Variants in BABAM2 observed in about 807,000 individuals in gnomAD.
BABAM2 encodes the protein BRISC and BRCA1 A complex member 2.
BABAM2 carries 31 observed loss-of-function variants against 54.7 expected under a neutral mutation model. The observed-to-expected ratio is 0.57, with a 90% CI of 0.43 to 0.77. The LOEUF (loss-of-function observed/expected upper bound fraction) is 0.77, where lower values mean the gene tolerates loss of function less well. Among genes scored for constraint, BABAM2 ranks in the 30% least tolerant of loss-of-function variants. The pLI is 0.00. For missense variants in BABAM2, 364 were observed against 455.8 expected (o/e 0.80, Z 1.83); for synonymous variants, 167 against 162.9 (o/e 1.03, Z -0.19).
At position 28,164,250 on chromosome 2, in the gene BABAM2, C is replaced by T. The variant is rs184211473; in HGVS notation, c.680+34870C>T. ...GTTCCACATGTGCAATTGGTATTTG[C>T]TCTTCTTCCCTTCAGTGTGTTTTTT... On this transcript the variant is annotated intron_variant, in intron 7 of 11. Transcript: ENST00000379624. 1.5e-3 allele frequency among the ~76,000 whole-genome samples: 232 copies of T among 152,292 alleles called. 1 individual carries two copies. Among genetic ancestry groups the T allele is most frequent in the African/African-American group, 5.4e-3 (223 of 41,558 alleles).
intron 6 of BABAM2, among the ~76,000 whole-genome samples, chr2:28,060,110 A>T (rs1267259357): frequency 6.6e-6 from 1 of 152,214 alleles, no homozygotes; most frequent in Non-Finnish European, 1.5e-5. Flanking sequence ...ATAAAATTTT[A>T]ACAAACTCAA....
chr2:27,917,066 G>A (rs570587315), intron 2 of BABAM2, among the ~76,000 whole-genome samples: 9 of 145,728 alleles, frequency 6.2e-5, no homozygotes, highest in Non-Finnish European at 1.2e-4. Context: ...TTGCCAGGCT[G>A]GAGTGCAGTG....
chr2:28,241,502 C>CTT, intron 9 of BABAM2, 109 bp downstream of exon 9: 331 of 810,272 alleles, frequency 4.1e-4, no homozygotes, highest in Middle Eastern at 4.9e-4. Context: ...CACATGATAC[C>CTT]TTTTTTTTTT....
intron 3 of BABAM2, among the ~76,000 whole-genome samples, chr2:27,984,163 T>C (rs1672229170): frequency 6.6e-6 from 1 of 151,964 alleles, no homozygotes; most frequent in Non-Finnish European, 1.5e-5. Context: ...TTTAGCATGT[T>C]ATTTATTTTT....
chr2:28,234,568 C>T (rs2148050770), intron 7 of BABAM2, among the ~76,000 whole-genome samples: 1 of 152,272 alleles, frequency 6.6e-6, no homozygotes, highest in African/African-American at 2.4e-5. Context: ...CTATTACTGT[C>T]AACTCCAGGG....
chr2:28,140,724 G>A (rs1670970450), intron 7 of BABAM2, among the ~76,000 whole-genome samples: 1 of 151,882 alleles, frequency 6.6e-6, no homozygotes. Context: ...TTGTATATGT[G>A]CTGTAAGTAT....
intron 7 of BABAM2, among the ~76,000 whole-genome samples, chr2:28,150,627 G>A (rs1671933434): frequency 6.6e-6 from 1 of 152,246 alleles, no homozygotes; most frequent in Admixed American, 6.5e-5. Context: ...CCTCTCCTGA[G>A]CAGTTAGAAA....
At chr2:28,026,924 AT>A (rs1558667793) in intron 5 of BABAM2, among the ~76,000 whole-genome samples, 43 of 29,986 alleles carry the variant, frequency 1.4e-3, no homozygotes, top group African/African-American at 3.7e-3. Flanking sequence ...ATTAATATAT[AT>A]AAATATATAT....
chr2:28,332,426 TA>T (rs1691041290), intron 11 of BABAM2, among the ~76,000 whole-genome samples: 2 of 152,300 alleles, frequency 1.3e-5, no homozygotes, highest in Admixed American at 1.3e-4. Context: ...TGGGTGGTCA[TA>T]AGATCATTAA....
chr2:27,956,633 G>C (rs532108771), intron 3 of BABAM2, among the ~76,000 whole-genome samples: 1 of 152,164 alleles, frequency 6.6e-6, no homozygotes, highest in Non-Finnish European at 1.5e-5. Context: ...GGTAATTTTG[G>C]GAATCTTCCA....
chr2:28,020,557 T>C (rs1206372919), intron 4 of BABAM2, among the ~76,000 whole-genome samples: 2 of 152,158 alleles, frequency 1.3e-5, no homozygotes, highest in African/African-American at 4.8e-5. Context: ...TGGGAGGGGA[T>C]GGGGATAGCC....
chr2:28,154,170 T>TATA (rs1396688244), intron 7 of BABAM2, among the ~76,000 whole-genome samples: 1 of 152,190 alleles, frequency 6.6e-6, no homozygotes, highest in Non-Finnish European at 1.5e-5. Flanking sequence ...TCTGGAGCCT[T>TATA]ATAATAATAG....
At chr2:28,050,845 G>C (rs932326781) in intron 6 of BABAM2, among the ~76,000 whole-genome samples, 8 of 152,148 alleles carry the variant, frequency 5.3e-5, no homozygotes, top group African/African-American at 1.9e-4. Context: ...ACAGATCAGG[G>C]ATGGATGATC....
At chr2:27,984,648 T>C (rs748705095) in intron 3 of BABAM2, among the ~76,000 whole-genome samples, 4 of 152,092 alleles carry the variant, frequency 2.6e-5, no homozygotes, top group Admixed American at 6.6e-5. Context: ...AAATATATTT[T>C]ATTTTTAGTT....
intron 10 of BABAM2, among the ~76,000 whole-genome samples, chr2:28,265,904 G>A (rs912683119): frequency 1.3e-5 from 2 of 151,846 alleles, no homozygotes; most frequent in Non-Finnish European, 2.9e-5. Context: ...TGTTCTTCTC[G>A]TCACTTGTGT....
intron 3 of BABAM2, among the ~76,000 whole-genome samples, chr2:27,951,730 T>TG (rs1181655200): frequency 6.6e-6 from 1 of 152,192 alleles, no homozygotes; most frequent in Non-Finnish European, 1.5e-5. Flanking sequence ...CGTAGGTTAT[T>TG]GGGGAACAGG....
chr2:28,180,255 G>A (rs759875034), intron 7 of BABAM2, among the ~76,000 whole-genome samples: 5 of 151,944 alleles, frequency 3.3e-5, no homozygotes, highest in Admixed American at 6.6e-5. Flanking sequence ...CATGATACTG[G>A]TATGAAACAG....
intron 7 of BABAM2, among the ~76,000 whole-genome samples, chr2:28,161,275 G>A (rs773740587): frequency 1.4e-4 from 22 of 151,976 alleles, no homozygotes; most frequent in Non-Finnish European, 2.4e-4. Context: ...TTGTACCAAC[G>A]GGCTTCACTG....
chr2:28,026,894 A>AT (rs1385298707), intron 5 of BABAM2, among the ~76,000 whole-genome samples: 2 of 24,438 alleles, frequency 8.2e-5, no homozygotes, highest in Non-Finnish European at 1.9e-4. Flanking sequence ...ATAGATATAT[A>AT]TAAATATATA....
Sources: allele counts gnomAD v4.1 joint callset (sites outside exome capture counted in the v4.1 genomes callset), GRCh38; gene constraint gnomAD v4.1.1; transcripts MANE v1.5; gene names NCBI Gene and HGNC (gene_info 2026-07-23, HGNC 2026-07-21).